Variants in OPTN observed in about 807,000 individuals in gnomAD.
OPTN encodes the protein E3-14.7K-interacting protein.
A neutral mutation model predicts 70.4 loss-of-function variants in OPTN; 54 were observed. The observed-to-expected ratio is 0.77, with a 90% CI of 0.62 to 0.96. The LOEUF (loss-of-function observed/expected upper bound fraction) is 0.96. Among genes scored for constraint, OPTN ranks in the 40% least tolerant of loss-of-function variants. The pLI, the probability that OPTN is intolerant of heterozygous loss-of-function variation, is 0.00. For synonymous variants in OPTN, 256 were observed against 248.5 expected, an observed-to-expected ratio of 1.03 and a Z score of -0.28; for missense variants, 624 against 673.2, an observed-to-expected ratio of 0.93 and a Z score of 0.81.
chr10:13,122,585 A>G (rs1211206722), intron 8 of OPTN, 98 bp downstream of exon 8: 2 of 821,072 alleles, frequency 2.4e-6, no homozygotes, highest in African/African-American at 3.4e-5. Context: ...TGCTTTAGAA[A>G]TATAGAAATC....
In OPTN at chr10:13,124,065, C is replaced by G; in HGVS notation, c.953C>G (p.Thr318Arg). Residue 318 changes from threonine to arginine, a missense_variant, in exon 9 of 15, where the codon ACA becomes AGA. By Grantham distance (71) the Thr-to-Arg change is moderately conservative. Transcript: ENST00000378747. ...TTTAAGGAGCTTCAAGAGGCTCATACAAAACTCAGCGAAGCTGAGCTAATG... is the reference window on the plus strand; with the variant it reads ...TTTAAGGAGCTTCAAGAGGCTCATAGAAAACTCAGCGAAGCTGAGCTAATG... ...SLFKELQEAH[T>R]KLSEAELMKK... 1.2e-6 allele frequency: 2 copies of G among 1,613,660 alleles called. No individual in the cohort carries two copies. The highest frequency in any genetic ancestry group is 2.2e-5 in the South Asian group (2 of 91,008).
chr10:13,115,510 A>AT (rs1164124053), intron 5 of OPTN, among the ~76,000 whole-genome samples: 45 of 106,664 alleles, frequency 4.2e-4, no homozygotes, highest in African/African-American at 1.6e-3. Context: ...TATAGAATAT[A>AT]TATAATATAT....
rs1050663685 is a variant in OPTN at position 13,136,925 on chromosome 10, G to A, written c.*59G>A. The A allele has an allele frequency of 6.2e-7, 1 of 1,607,980 alleles. No individual in the cohort carries two copies. The highest frequency in any genetic ancestry group is 8.5e-7 in the Non-Finnish European group (1 of 1,175,444). ...AAATGTCAGATTTTTTCCTCCAAGA[G>A]TTGTGCTTTTGTGTTATTTGTTTTC... is the stretch of plus-strand genomic sequence containing the variant. On this transcript the variant is annotated 3_prime_UTR_variant, in exon 15 of 15. Coordinates refer to ENST00000378747, the MANE Select transcript of OPTN (RefSeq NM_001008212.2).
chr10:13,107,898 T>C (rs1832902798), intron 1 of OPTN, among the ~76,000 whole-genome samples: 1 of 152,062 alleles, frequency 6.6e-6, no homozygotes, highest in Non-Finnish European at 1.5e-5. Flanking sequence ...AGTGTGAAGG[T>C]GGAAATTTGT....
chr10:13,101,935 A>G (rs1771312860), intron 1 of OPTN, among the ~76,000 whole-genome samples: 1 of 152,236 alleles, frequency 6.6e-6, no homozygotes, highest in African/African-American at 2.4e-5. Context: ...TTTCATTTCA[A>G]CCAACATTTA....
At chr10:13,122,324 A>T in intron 7 of OPTN, 61 bp from the exon 8 acceptor site, 1 of 1,137,708 alleles carries the variant, frequency 8.8e-7, no homozygotes, top group South Asian at 1.3e-5. Flanking sequence ...CTTCTGTAAT[A>T]ATTGCTATTT....
chr10:13,130,424 CAAAAAAAAAAAA>C (rs1178080754), intron 12 of OPTN, among the ~76,000 whole-genome samples: 650 of 51,768 alleles, frequency 0.013, 12 homozygotes, highest in African/African-American at 0.05. Context: ...GACTCTATCT[CAAAAAAAAAAAA>C]AAAAAAAAAA....
At position 13,127,815 on chromosome 10, in the gene OPTN, C is replaced by G; in HGVS notation, c.1313C>G (p.Ala438Gly). 6.2e-7 allele frequency: 1 copy of G among 1,614,098 alleles called. No homozygotes were observed. Among genetic ancestry groups the G allele is most frequent in the Non-Finnish European group, 8.5e-7 (1 of 1,180,020 alleles). ...EKLELAEKAL[A>G]SKQLQMDEMK... ...CTGGAACTGGCAGAGAAGGCTCTGG[C>G]TTCCAAACAGCTGCAAATGGATGAA... Residue 438 changes from alanine (A) to glycine (G), a missense_variant, in exon 12 of 15, where the codon GCT becomes GGT. Coordinates refer to ENST00000378747, the MANE Select transcript of OPTN (RefSeq NM_001008212.2).
intron 12 of OPTN, among the ~76,000 whole-genome samples, chr10:13,130,613 C>T (rs1287908802): frequency 6.6e-6 from 1 of 151,946 alleles, no homozygotes; most frequent in Non-Finnish European, 1.5e-5. Flanking sequence ...AGATGCTGAA[C>T]CACTCACATT....
chr10:13,121,462 G>A (rs1231880327), intron 7 of OPTN, among the ~76,000 whole-genome samples: 1 of 124,800 alleles, frequency 8.0e-6, no homozygotes, highest in Non-Finnish European at 1.6e-5. Context: ...TTTCCAGTCT[G>A]AATGCCTTTT....
intron 14 of OPTN, 112 bp from the exon 15 acceptor site, chr10:13,136,633 C>A: frequency 2.4e-6 from 3 of 1,260,056 alleles, no homozygotes; most frequent in South Asian, 1.3e-5. Context: ...TGTCCCACTA[C>A]GTGTTGAATA....
chr10:13,110,208 G>C (rs767361319), intron 3 of OPTN, 66 bp from the exon 4 acceptor site: 21 of 1,591,630 alleles, frequency 1.3e-5, no homozygotes, highest in Non-Finnish European at 1.5e-5. Flanking sequence ...ACTAGAGGGA[G>C]ATTTGGTTCA....
chr10:13,130,203 G>C (rs963616893), intron 12 of OPTN, among the ~76,000 whole-genome samples: 56 of 152,132 alleles, frequency 3.7e-4, no homozygotes, highest in African/African-American at 1.3e-3. Context: ...GAGGCAGGCA[G>C]ATTACAAGGT....
At chr10:13,105,587 G>C (rs1034066676) in intron 1 of OPTN, among the ~76,000 whole-genome samples, 1 of 152,134 alleles carries the variant, frequency 6.6e-6, no homozygotes, top group Admixed American at 6.6e-5. Flanking sequence ...TATTATGGTG[G>C]TATCTGTAGG....
chr10:13,114,803 C>CGTA (rs1564358784), intron 5 of OPTN, among the ~76,000 whole-genome samples: 2 of 16,802 alleles, frequency 1.2e-4, no homozygotes, highest in East Asian at 1.9e-3. Context: ...ATTATATATA[C>CGTA]ATATATATAA....
intron 1 of OPTN, chr10:13,104,784 G>T: frequency 3.5e-6 from 2 of 566,512 alleles, no homozygotes. Flanking sequence ...TAGCCATCTG[G>T]TTAGAACATG....
At chr10:13,103,702 T>G (rs1419460965) in intron 1 of OPTN, among the ~76,000 whole-genome samples, 1 of 151,584 alleles carries the variant, frequency 6.6e-6, no homozygotes, top group East Asian at 1.9e-4. Flanking sequence ...ATTACTAGAA[T>G]TACTTGATCT....
intron 13 of OPTN, among the ~76,000 whole-genome samples, chr10:13,132,843 A>G (rs927520332): frequency 6.6e-6 from 1 of 152,212 alleles, no homozygotes; most frequent in African/African-American, 2.4e-5. Flanking sequence ...AGCAAAATTC[A>G]GAGAATAAAA....
intron 10 of OPTN, among the ~76,000 whole-genome samples, 156 bp from the exon 11 acceptor site, chr10:13,125,789 GA>G (rs1388403119): frequency 3.3e-5 from 5 of 152,128 alleles, no homozygotes; most frequent in African/African-American, 9.7e-5. Context: ...TTTCAGAAAA[GA>G]TTTTTTTTGA....
Sources: gnomAD v4.1 joint callset for allele counts (sites outside exome capture counted in the v4.1 genomes callset) on GRCh38, gnomAD v4.1.1 for gene constraint, MANE v1.5 for transcripts, NCBI Gene and HGNC (gene_info 2026-07-23, HGNC 2026-07-21) for gene names.